Variants in MGAT4C observed in about 807,000 individuals in gnomAD.
MGAT4C encodes the protein MGAT4 family member C, also known as alpha-1,3-mannosyl-glycoprotein 4-beta-N-acetylglucosaminyltransferase C.
Under a neutral mutation model 40.1 loss-of-function variants are expected in MGAT4C, and 19 were observed. The ratio of observed to expected loss-of-function variants is 0.47; its 90% CI spans 0.33 to 0.70. The LOEUF (loss-of-function observed/expected upper bound fraction) is 0.70. Among genes scored for constraint, MGAT4C ranks in the 30% least tolerant of loss-of-function variants. MGAT4C has a pLI of 0.02. For missense variants in MGAT4C, 491 were observed against 563.2 expected (o/e 0.87, Z 1.30); for synonymous variants, 181 against 187.1 (o/e 0.97, Z 0.27).
chr12:86,680,249 G>A (rs1949956197), intron 2 of MGAT4C, among the ~76,000 whole-genome samples: 1 of 151,906 alleles, frequency 6.6e-6, no homozygotes. Flanking sequence ...TATACTTTTA[G>A]TAACATCTAG....
chr12:85,983,685 A>C lies in MGAT4C; in HGVS notation c.148-15T>G. On this transcript the variant is annotated splice_polypyrimidine_tract_variant and intron_variant, in intron 3 of 4. Coordinates refer to ENST00000611864, the MANE Select transcript of MGAT4C (RefSeq NM_001351288.2). ...TTGTCTCCTTCCTAAATACCAAGAA[A>C]GAAGCAAGGAAAATATATAAATAAT... 1.3e-6 allele frequency: 2 copies of C among 1,536,236 alleles called. No individual in the cohort carries two copies. The highest frequency in any genetic ancestry group is 1.8e-6 in the Non-Finnish European group (2 of 1,141,866).
At chr12:86,676,382 G>T (rs936477230) in intron 2 of MGAT4C, among the ~76,000 whole-genome samples, 4 of 152,094 alleles carry the variant, frequency 2.6e-5, no homozygotes, top group African/African-American at 9.7e-5. Context: ...TTTATTTCCT[G>T]CCAAGGATTT....
intron 3 of MGAT4C, among the ~76,000 whole-genome samples, chr12:86,390,768 A>G (rs1352889809): frequency 6.6e-6 from 1 of 152,148 alleles, no homozygotes; most frequent in South Asian, 2.1e-4. Context: ...CCCATTCTAC[A>G]CCTTTCAAAT....
intron 1 of MGAT4C, among the ~76,000 whole-genome samples, chr12:86,181,268 C>T (rs915175551): frequency 6.6e-6 from 1 of 151,778 alleles, no homozygotes; most frequent in Non-Finnish European, 1.5e-5. Flanking sequence ...TTGGTTATGT[C>T]TTTTTTAGCA....
intron 2 of MGAT4C, among the ~76,000 whole-genome samples, chr12:86,037,585 T>C (rs61931119): frequency 2.7e-5 from 4 of 149,574 alleles, no homozygotes; most frequent in African/African-American, 9.7e-5. Context: ...TTAGTTTCCA[T>C]GTAGTTGTGC....
At chr12:86,620,109 G>A (rs1174249560) in intron 2 of MGAT4C, among the ~76,000 whole-genome samples, 1 of 152,164 alleles carries the variant, frequency 6.6e-6, no homozygotes, top group African/African-American at 2.4e-5. Context: ...TACACTGTTA[G>A]TGAGAATGTA....
intron 2 of MGAT4C, among the ~76,000 whole-genome samples, chr12:85,991,552 C>G (rs1423981068): frequency 6.6e-6 from 1 of 152,182 alleles, no homozygotes; most frequent in Non-Finnish European, 1.5e-5. Context: ...AGGCCAGTGA[C>G]AAGACACCCT....
At chr12:86,097,654 CAG>C (rs1425117022) in intron 1 of MGAT4C, among the ~76,000 whole-genome samples, 1 of 151,424 alleles carries the variant, frequency 6.6e-6, no homozygotes, top group African/African-American at 2.4e-5. Flanking sequence ...ATTTGCTTAT[CAG>C]AGTTATTTAG....
At chr12:85,999,748 T>C (rs1887090037) in intron 2 of MGAT4C, among the ~76,000 whole-genome samples, 1 of 152,014 alleles carries the variant, frequency 6.6e-6, no homozygotes. Context: ...AGAATGCACA[T>C]GTTAAGTGAA....
intron 2 of MGAT4C, among the ~76,000 whole-genome samples, chr12:86,720,703 T>C (rs902402058): frequency 2.0e-5 from 3 of 152,150 alleles, no homozygotes; most frequent in African/African-American, 4.8e-5. Flanking sequence ...AAGGCACTCA[T>C]AAGTTAGTTG....
intron 2 of MGAT4C, among the ~76,000 whole-genome samples, chr12:86,643,862 T>C (rs915820526): frequency 1.3e-5 from 2 of 151,698 alleles, no homozygotes; most frequent in Non-Finnish European, 3.0e-5. Context: ...AAAGTGATTA[T>C]TGTAAAACTT....
At chr12:86,292,014 G>A (rs1458822387) in intron 4 of MGAT4C, among the ~76,000 whole-genome samples, 1 of 152,112 alleles carries the variant, frequency 6.6e-6, no homozygotes, top group Non-Finnish European at 1.5e-5. Context: ...TGACTAACTT[G>A]TGTCCACACA....
intron 2 of MGAT4C, among the ~76,000 whole-genome samples, chr12:86,436,696 A>G (rs1957144270): frequency 6.6e-6 from 1 of 151,770 alleles, no homozygotes; most frequent in South Asian, 2.1e-4. Flanking sequence ...CTTTTAAAAC[A>G]ATGTATCGAA....
At chr12:86,316,543 G>T (rs772552188) in intron 4 of MGAT4C, among the ~76,000 whole-genome samples, 2 of 152,162 alleles carry the variant, frequency 1.3e-5, no homozygotes, top group Non-Finnish European at 2.9e-5. Context: ...CCATAGGAAA[G>T]AATGAGATCA....
intron 1 of MGAT4C, among the ~76,000 whole-genome samples, chr12:86,238,141 G>A (rs1295840038): frequency 6.6e-6 from 1 of 151,878 alleles, no homozygotes; most frequent in Non-Finnish European, 1.5e-5. Context: ...ATGCATTAGT[G>A]GCTTTTGTTC....
chr12:86,790,203 G>T (rs948671929), intron 1 of MGAT4C, among the ~76,000 whole-genome samples: 4 of 152,108 alleles, frequency 2.6e-5, no homozygotes, highest in African/African-American at 9.7e-5. Flanking sequence ...GGTAGAACTG[G>T]AAGTCCTAAC....
In MGAT4C at chr12:86,692,261, C is replaced by T. The variant is rs114784449; in HGVS notation, c.-229+34948G>A. Among the ~76,000 whole-genome samples the T allele has an allele frequency of 4.0e-3, 612 of 152,142 alleles. 3 individuals carry two copies. The highest frequency in any genetic ancestry group is 0.014 in the African/African-American group (597 of 41,514). On this transcript the variant is annotated intron_variant, in intron 2 of 7. Coordinates refer to the MGAT4C transcript ENST00000548651. ...CTTTAAATGTGAAAAATACATTAAG[C>T]CTATGATGCAAACAGTGTAATTACA...
At chr12:86,411,891 C>T (rs1956613848) in intron 3 of MGAT4C, among the ~76,000 whole-genome samples, 1 of 152,102 alleles carries the variant, frequency 6.6e-6, no homozygotes, top group East Asian at 1.9e-4. Flanking sequence ...AACCTTGGGA[C>T]ACCGCTCCCT....
chr12:86,492,228 A>C (rs553088795), intron 2 of MGAT4C, among the ~76,000 whole-genome samples: 13 of 152,296 alleles, frequency 8.5e-5, no homozygotes, highest in African/African-American at 3.1e-4. Flanking sequence ...TGCCCAAGGT[A>C]AGTTATAGAT....
Sources: gnomAD v4.1 joint callset for allele counts (sites outside exome capture counted in the v4.1 genomes callset) on GRCh38, gnomAD v4.1.1 for gene constraint, MANE v1.5 for transcripts, NCBI Gene and HGNC (gene_info 2026-07-23, HGNC 2026-07-21) for gene names.